The following GXYLT2 variants were observed in gnomAD, a reference collection of about 807,000 sequenced individuals.
GXYLT2 encodes glycosyltransferase 8 domain containing 4.
GXYLT2 carries 53 observed loss-of-function variants against 45.8 expected under a neutral mutation model. The ratio of observed to expected loss-of-function variants is 1.16; its 90% CI spans 0.93 to 1.46. The LOEUF is 1.46. Ranked by LOEUF, GXYLT2 falls within the 40% of genes most tolerant of loss-of-function variation. The pLI, the probability that GXYLT2 is intolerant of heterozygous loss-of-function variation, is 0.00. For synonymous variants in GXYLT2, 219 were observed against 214.2 expected (o/e 1.02, Z -0.19); for missense variants, 551 against 544.4 (o/e 1.01, Z -0.12).
In GXYLT2 at chr3:72,949,502, C is replaced by CTTTTTTTTTTTTTTTTTT. The variant is rs56323434; in HGVS notation, c.601-5585_601-5568dup. On this transcript the variant is annotated intron_variant, in intron 3 of 6. Coordinates refer to ENST00000389617, the MANE Select transcript of GXYLT2 (RefSeq NM_001080393.2). ...TATGTATCATTCTTTCTTTCTTTTTCTTTTTTTTTTTTTTTTTTTTTTTTT... is the reference window on the plus strand; with the variant it reads ...TATGTATCATTCTTTCTTTCTTTTTCTTTTTTTTTTTTTTTTTTTTTTTTTTTTTTTTTTTTTTTTTTT... 7.7e-4 allele frequency among the ~76,000 whole-genome samples: 56 copies of CTTTTTTTTTTTTTTTTTT among 72,642 alleles called. 2 individuals are homozygous for CTTTTTTTTTTTTTTTTTT. Among genetic ancestry groups the CTTTTTTTTTTTTTTTTTT allele is most frequent in the Non-Finnish European group, 1.1e-3 (47 of 43,856 alleles). The allele number at this position is 72,642 out of a possible 152,430, so 47.7% of individuals were successfully genotyped here.
chr3:72,944,703 A>G (rs555177801), intron 3 of GXYLT2, among the ~76,000 whole-genome samples: 1 of 152,026 alleles, frequency 6.6e-6, no homozygotes, highest in South Asian at 2.1e-4. Flanking sequence ...CAGCAGGCTC[A>G]TTTTCCAAAG....
chr3:72,972,435 G>C lies in GXYLT2; in HGVS notation c.1150-2542G>C, dbSNP rs567519591. On this transcript the variant is annotated intron_variant, in intron 6 of 6. Transcript: ENST00000389617. ...GCAGGTGGATCACCTGAGGTCATGA[G>C]TTCGAGACCAGCCTGGCCAACATGG... 5.3e-5 allele frequency among the ~76,000 whole-genome samples: 8 copies of C among 152,042 alleles called. 1 individual carries two copies. Among genetic ancestry groups the C allele is most frequent in the African/African-American group, 1.9e-4 (8 of 41,450 alleles).
intron 2 of GXYLT2, among the ~76,000 whole-genome samples, chr3:72,917,003 T>TGCAGGTA (rs1709756050): frequency 6.6e-6 from 1 of 152,140 alleles, no homozygotes; most frequent in Admixed American, 6.6e-5. Context: ...AAGGAGGAGT[T>TGCAGGTA]ACCTACTGAG....
chr3:72,964,910 G>A (rs1018914636), intron 5 of GXYLT2, among the ~76,000 whole-genome samples: 4 of 152,316 alleles, frequency 2.6e-5, no homozygotes, highest in African/African-American at 9.6e-5. Context: ...GTGACAAAAG[G>A]AAGCAGTTGG....
Position 72,906,332 on chromosome 3 carries a change from G to T in GXYLT2, c.276-2035G>T, listed in dbSNP as rs182744290. Among the ~76,000 whole-genome samples, 557 of 152,096 alleles carry T rather than the reference G, an allele frequency of 3.7e-3. 2 individuals carry two copies. Among genetic ancestry groups the T allele is most frequent in the African/African-American group, 0.013 (527 of 41,490 alleles). ...GCTCCTCCCCCTAGACGTGCACATG[G>T]CTCGCTACCTCCCCTCCTGCAGGTC... On this transcript the variant is annotated intron_variant, in intron 1 of 6. Coordinates refer to ENST00000389617, the MANE Select transcript of GXYLT2 (RefSeq NM_001080393.2).
chr3:72,931,932 G>C (rs1356381106), intron 3 of GXYLT2, among the ~76,000 whole-genome samples: 1 of 151,916 alleles, frequency 6.6e-6, no homozygotes, highest in Non-Finnish European at 1.5e-5. Flanking sequence ...ACTAAAATCA[G>C]GAAGGAAAGA....
At chr3:72,953,457 T>C (rs982009007) in intron 3 of GXYLT2, among the ~76,000 whole-genome samples, 1 of 152,074 alleles carries the variant, frequency 6.6e-6, no homozygotes, top group African/African-American at 2.4e-5. Context: ...GCCTGGCTAA[T>C]TTTTCTATTT....
chr3:72,946,276 GAAAAAAAAAAAAAA>G (rs57450041), intron 3 of GXYLT2, among the ~76,000 whole-genome samples: 9 of 59,484 alleles, frequency 1.5e-4, no homozygotes, highest in Admixed American at 2.1e-4. Flanking sequence ...GACCCTGTCT[GAAAAAAAAAAAAAA>G]AAAAAAAAAA....
chr3:72,892,474 T>C (rs1368002516), intron 1 of GXYLT2, among the ~76,000 whole-genome samples: 2 of 152,212 alleles, frequency 1.3e-5, no homozygotes, highest in Non-Finnish European at 2.9e-5. Context: ...GCAAACGTGA[T>C]TGCACATTTA....
chr3:72,920,576 C>T (rs1466607579), intron 2 of GXYLT2, among the ~76,000 whole-genome samples: 1 of 151,986 alleles, frequency 6.6e-6, no homozygotes, highest in African/African-American at 2.4e-5. Flanking sequence ...GGCTGACTTT[C>T]TGTAAACATT....
chr3:72,900,608 A>G (rs1356841911), intron 1 of GXYLT2, among the ~76,000 whole-genome samples: 3 of 151,740 alleles, frequency 2.0e-5, no homozygotes, highest in Non-Finnish European at 4.4e-5. Flanking sequence ...AGTAGAGACC[A>G]GGTTTCACCA....
At chr3:72,891,997 C>A (rs2107055512) in intron 1 of GXYLT2, among the ~76,000 whole-genome samples, 1 of 152,184 alleles carries the variant, frequency 6.6e-6, no homozygotes, top group East Asian at 1.9e-4. Context: ...CTGAAAACTC[C>A]TCCTTGAGCC....
chr3:72,916,196 C>T (rs1000692294), intron 2 of GXYLT2, among the ~76,000 whole-genome samples: 6 of 150,452 alleles, frequency 4.0e-5, no homozygotes, highest in African/African-American at 1.5e-4. Flanking sequence ...TCTCTTGCAT[C>T]TGCGTTCACT....
At chr3:72,960,184 C>G (rs13078442) in intron 5 of GXYLT2, among the ~76,000 whole-genome samples, 72,029 of 152,092 alleles carry the variant, frequency 0.47, 19,912 homozygotes, top group Non-Finnish European at 0.62. Context: ...TGGTGGATCA[C>G]TTGAGGGATT....
At chr3:72,937,751 C>A (rs1188923747) in intron 3 of GXYLT2, among the ~76,000 whole-genome samples, 1 of 152,154 alleles carries the variant, frequency 6.6e-6, no homozygotes, top group African/African-American at 2.4e-5. Context: ...CTGAACCTTC[C>A]ATTCTTTAAC....
chr3:72,967,964 A>C (rs1710899219), intron 6 of GXYLT2, among the ~76,000 whole-genome samples: 1 of 152,046 alleles, frequency 6.6e-6, no homozygotes. Flanking sequence ...CTTTAGGAGG[A>C]AATTTCTGTT....
chr3:72,891,152 G>A (rs1415569195), intron 1 of GXYLT2, among the ~76,000 whole-genome samples: 1 of 152,086 alleles, frequency 6.6e-6, no homozygotes, highest in Non-Finnish European at 1.5e-5. Flanking sequence ...TTCAGAAAAC[G>A]AGTGCTTTAA....
At chr3:72,962,004 A>C (rs1295768170) in intron 5 of GXYLT2, among the ~76,000 whole-genome samples, 3 of 152,184 alleles carry the variant, frequency 2.0e-5, no homozygotes, top group African/African-American at 7.2e-5. Context: ...GGGAGGCAGG[A>C]GGAGTTCATG....
rs531103856 is a variant in GXYLT2 at position 72,891,247 on chromosome 3, T to C, written c.275+2739T>C. Among the ~76,000 whole-genome samples, 10 of 152,200 alleles carry C rather than the reference T, an allele frequency of 6.6e-5. No individual in the cohort carries two copies. The South Asian group carries it at 8.3e-4, about 13-fold the overall frequency. On this transcript the variant is annotated intron_variant, in intron 1 of 6. Transcript: ENST00000389617. ...CTGGGGAGGGTCAGGCTTGTGGTTG[T>C]AGTTAGCTGAGAGCCTGGAGTTGGA... is the stretch of plus-strand genomic sequence containing the variant.
Sources: allele counts gnomAD v4.1 joint callset (sites outside exome capture counted in the v4.1 genomes callset), GRCh38; gene constraint gnomAD v4.1.1; transcripts MANE v1.5; gene names NCBI Gene and HGNC (gene_info 2026-07-23, HGNC 2026-07-21).